The following KCNIP4 variants were observed in gnomAD, a reference collection of about 807,000 sequenced individuals.
KCNIP4 encodes Kv channel-interacting protein 4.
A neutral mutation model predicts 34.0 loss-of-function variants in KCNIP4; 12 were observed. That is an observed-to-expected ratio of 0.35 (90% CI 0.23 to 0.57). KCNIP4 has a LOEUF of 0.57. Among genes scored for constraint, KCNIP4 ranks in the 20% least tolerant of loss-of-function variants. The probability of loss-of-function intolerance (pLI) is 0.83; values close to 1 mark genes in which losing one functional copy is unlikely to be tolerated. For missense variants in KCNIP4, 238 were observed against 311.7 expected (o/e 0.76, Z 1.78); for synonymous variants, 124 against 102.2 (o/e 1.21, Z -1.29).
chr4:20,861,258 G>A (rs777872711), intron 2 of KCNIP4, among the ~76,000 whole-genome samples: 14 of 152,142 alleles, frequency 9.2e-5, no homozygotes, highest in Non-Finnish European at 1.9e-4. Context: ...AATTTTAAAT[G>A]CTTTATTGCA....
At chr4:21,641,818 G>A (rs1325719599) in intron 1 of KCNIP4, among the ~76,000 whole-genome samples, 3 of 152,068 alleles carry the variant, frequency 2.0e-5, no homozygotes, top group Non-Finnish European at 4.4e-5. Context: ...TCAGAAACAC[G>A]AACTTCCCTC....
intron 3 of KCNIP4, among the ~76,000 whole-genome samples, chr4:20,766,585 CAAA>C (rs1266616046): frequency 1.1e-4 from 17 of 151,672 alleles, no homozygotes; most frequent in Admixed American, 1.1e-3. Flanking sequence ...AACAAACAAA[CAAA>C]CATAAAGCAA....
intron 1 of KCNIP4, among the ~76,000 whole-genome samples, chr4:21,023,456 G>C (rs1241370277): frequency 6.6e-6 from 1 of 151,960 alleles, no homozygotes; most frequent in Non-Finnish European, 1.5e-5. Context: ...AATATATAAA[G>C]AATTTCTACA....
intron 1 of KCNIP4, among the ~76,000 whole-genome samples, chr4:21,803,238 CT>C (rs1721105716): frequency 1.3e-5 from 2 of 152,264 alleles, no homozygotes; most frequent in South Asian, 4.2e-4. Context: ...CTCCCACTTC[CT>C]TGATCCTAAT....
chr4:21,846,357 C>T (rs1180864207), intron 1 of KCNIP4: 1 of 151,992 alleles, frequency 6.6e-6, no homozygotes, highest in Non-Finnish European at 1.5e-5. Context: ...AGGGGATATA[C>T]ACAAAGAGAG....
chr4:20,878,255 C>T (rs763656633), intron 2 of KCNIP4, among the ~76,000 whole-genome samples: 1 of 152,124 alleles, frequency 6.6e-6, no homozygotes, highest in Non-Finnish European at 1.5e-5. Flanking sequence ...ATGATATTTC[C>T]TATACTAAAT....
At chr4:21,203,773 A>G (rs1033603932) in intron 1 of KCNIP4, among the ~76,000 whole-genome samples, 5 of 152,238 alleles carry the variant, frequency 3.3e-5, no homozygotes, top group African/African-American at 7.2e-5. Flanking sequence ...TGTCTTAAAG[A>G]ATTTTCATAA....
chr4:21,362,407 CA>C (rs534372649), intron 1 of KCNIP4, among the ~76,000 whole-genome samples: 222 of 152,204 alleles, frequency 1.5e-3, no homozygotes, highest in Admixed American at 4.5e-3. Flanking sequence ...AAGGAAGAAC[CA>C]CTAAAAATCA....
rs372504459 is a variant in KCNIP4 at position 20,820,212 on chromosome 4, G to A, written c.288+30331C>T. On this transcript the variant is annotated intron_variant, in intron 3 of 8. Transcript: ENST00000382152. Reference sequence around the variant, plus strand: ...TGATCAGAATGCTGATACAAATATGGATGGTAAAGGCAATTCTGATGAGGC... The same window carrying A: ...TGATCAGAATGCTGATACAAATATGAATGGTAAAGGCAATTCTGATGAGGC... Among the ~76,000 whole-genome samples the A allele has an allele frequency of 2.1e-3, 321 of 152,268 alleles. 4 individuals are homozygous for A. Among genetic ancestry groups the A allele is most frequent in the African/African-American group, 7.2e-3 (300 of 41,542 alleles).
chr4:21,888,328 A>G (rs1726903033), intron 1 of KCNIP4, among the ~76,000 whole-genome samples: 1 of 152,124 alleles, frequency 6.6e-6, no homozygotes, highest in Admixed American at 6.6e-5. Flanking sequence ...TCCTCTGTGG[A>G]ACATTATGCA....
chr4:20,991,752 G>T (rs1454440851), intron 1 of KCNIP4, among the ~76,000 whole-genome samples: 1 of 152,162 alleles, frequency 6.6e-6, no homozygotes, highest in Admixed American at 6.5e-5. Context: ...GGAACAAGTG[G>T]TTTTAAAAGT....
At chr4:21,907,669 T>C (rs1048198381) in intron 1 of KCNIP4, among the ~76,000 whole-genome samples, 2 of 152,164 alleles carry the variant, frequency 1.3e-5, no homozygotes, top group East Asian at 3.8e-4. Context: ...CAATCAGTAG[T>C]GTTTCTGTGT....
At chr4:20,801,922 C>T (rs190267544) in intron 3 of KCNIP4, among the ~76,000 whole-genome samples, 42 of 151,348 alleles carry the variant, frequency 2.8e-4, no homozygotes, top group East Asian at 2.7e-3. Flanking sequence ...AATTACATGC[C>T]GCTTGTAAGA....
chr4:21,412,764 A>T (rs1724616897), intron 1 of KCNIP4, among the ~76,000 whole-genome samples: 1 of 152,148 alleles, frequency 6.6e-6, no homozygotes, highest in South Asian at 2.1e-4. Flanking sequence ...ACAATGGTGC[A>T]TGTCTTTTAT....
In KCNIP4 at chr4:20,986,370, A is replaced by G. The variant is rs1343130829; in HGVS notation, c.62-103661T>C. On this transcript the variant is annotated intron_variant, in intron 1 of 8. Transcript: ENST00000382152. The stretch of plus-strand genomic sequence containing the variant: ...CATCCATCCAAACATTTTCTTCTCC[A>G]TTATATCAGCAAGCCTGTGGCGGGG... Among the ~76,000 whole-genome samples, 8 of 152,160 alleles carry G rather than the reference A, an allele frequency of 5.3e-5. No individual in the cohort carries two copies. In the East Asian group the frequency reaches 5.8e-4, roughly 11 times the overall value.
intron 1 of KCNIP4, among the ~76,000 whole-genome samples, chr4:20,974,701 A>T (rs190810832): frequency 6.6e-6 from 1 of 152,176 alleles, no homozygotes; most frequent in Admixed American, 6.5e-5. Flanking sequence ...TCTAAAATCT[A>T]CATAGACGTG....
At chr4:20,782,940 G>C (rs191522554) in intron 3 of KCNIP4, among the ~76,000 whole-genome samples, 79 of 152,262 alleles carry the variant, frequency 5.2e-4, no homozygotes, top group African/African-American at 1.6e-3. Context: ...CAGCACCCAA[G>C]TCACCTCTTG....
intron 1 of KCNIP4, among the ~76,000 whole-genome samples, chr4:21,537,395 A>C (rs1737271014): frequency 6.6e-6 from 1 of 152,130 alleles, no homozygotes; most frequent in Non-Finnish European, 1.5e-5. Context: ...CCTTTTATCC[A>C]TTAAAGTTCA....
chr4:21,750,767 G>A lies in KCNIP4; in HGVS notation c.61+197804C>T, dbSNP rs182488496. On this transcript the variant is annotated intron_variant, in intron 1 of 8. Transcript: ENST00000382152. ...TCCAGGTGCTCAACAGTTATTTCGCGGAGAAGCTGTGGGCTGGAGAATGGG... is the reference window on the plus strand; with the variant it reads ...TCCAGGTGCTCAACAGTTATTTCGCAGAGAAGCTGTGGGCTGGAGAATGGG... 9.9e-5 allele frequency among the ~76,000 whole-genome samples: 15 copies of A among 152,152 alleles called. No homozygotes were observed. The East Asian group carries it at 1.2e-3, about 12-fold the overall frequency.
Sources: allele counts gnomAD v4.1 joint callset (sites outside exome capture counted in the v4.1 genomes callset), GRCh38; gene constraint gnomAD v4.1.1; transcripts MANE v1.5; gene names NCBI Gene and HGNC (gene_info 2026-07-23, HGNC 2026-07-21).